ACTR3C: variants seen among roughly 807,000 people sequenced by gnomAD.
The protein encoded by ACTR3C is actin related protein 3C, also known as actin-related protein 3C.
ACTR3C carries 18 observed loss-of-function variants against 26.3 expected under a neutral mutation model. That is an observed-to-expected ratio of 0.68 (90% CI 0.47 to 1.01). ACTR3C has a LOEUF of 1.01. Among genes scored for constraint, ACTR3C ranks in the 50% least tolerant of loss-of-function variants. The pLI, the probability that ACTR3C is intolerant of heterozygous loss-of-function variation, is 0.00. For missense variants in ACTR3C, 184 were observed against 250.7 expected (o/e 0.73, Z 1.80); for synonymous variants, 55 against 94.5 (o/e 0.58, Z 2.42).
At chr7:149,918,946 G>A in the ACTR3C span, among the ~76,000 whole-genome samples, 9 of 152,250 alleles carry the variant, frequency 5.9e-5, no homozygotes, top group African/African-American at 1.9e-4. Flanking sequence ...GAGCAAGTGC[G>A]GACAGCCCAA....
At chr7:149,992,705 A>G in the ACTR3C span, among the ~76,000 whole-genome samples, 1 of 152,182 alleles carries the variant, frequency 6.6e-6, no homozygotes, top group Non-Finnish European at 1.5e-5. Context: ...AGGGTGGGCA[A>G]CCGTATTGGT....
the ACTR3C span, among the ~76,000 whole-genome samples, chr7:149,921,860 G>A: frequency 6.6e-6 from 1 of 151,950 alleles, no homozygotes; most frequent in African/African-American, 2.4e-5. Flanking sequence ...CTGGGTGTCA[G>A]AGCGAGACTC....
chr7:150,047,393 T>TC, the ACTR3C span, among the ~76,000 whole-genome samples: 9 of 151,712 alleles, frequency 5.9e-5, no homozygotes, highest in African/African-American at 2.2e-4. Flanking sequence ...AGCCACCAAC[T>TC]CCCGGCCGCC....
At chr7:149,955,063 G>A in the ACTR3C span, among the ~76,000 whole-genome samples, 1 of 152,196 alleles carries the variant, frequency 6.6e-6, no homozygotes, top group Non-Finnish European at 1.5e-5. Flanking sequence ...CTTCCTTCCT[G>A]ACTGTACTGA....
At chr7:150,013,911 C>T in the ACTR3C span, among the ~76,000 whole-genome samples, 1 of 152,152 alleles carries the variant, frequency 6.6e-6, no homozygotes, top group Non-Finnish European at 1.5e-5. Context: ...TGTCTATAGG[C>T]CTCTTTCATT....
the ACTR3C span, among the ~76,000 whole-genome samples, chr7:150,157,992 G>A: frequency 7.2e-5 from 11 of 152,172 alleles, no homozygotes; most frequent in Admixed American, 5.2e-4. Context: ...CAACTCAATA[G>A]TAAAGAATCA....
chr7:149,948,565 C>T, the ACTR3C span, among the ~76,000 whole-genome samples: 1 of 151,380 alleles, frequency 6.6e-6, no homozygotes, highest in Non-Finnish European at 1.5e-5. Flanking sequence ...GGCCCGCTGG[C>T]TGGAACGTTG....
At chr7:150,173,033 T>C in the ACTR3C span, among the ~76,000 whole-genome samples, 1 of 149,478 alleles carries the variant, frequency 6.7e-6, no homozygotes, top group African/African-American at 2.6e-5. Context: ...TGTCTGCAGC[T>C]TTTCCAGGTG....
At chr7:149,901,562 A>C in the ACTR3C span, among the ~76,000 whole-genome samples, 2 of 151,784 alleles carry the variant, frequency 1.3e-5, no homozygotes, top group Non-Finnish European at 2.9e-5. Context: ...AAATGACTTA[A>C]ACTAGAAAAT....
the ACTR3C span, among the ~76,000 whole-genome samples, chr7:150,134,026 C>A: frequency 1.3e-5 from 2 of 152,104 alleles, no homozygotes; most frequent in South Asian, 4.1e-4. Context: ...GCATGAGCCA[C>A]CACCAAGCCT....
the ACTR3C span, among the ~76,000 whole-genome samples, chr7:150,125,127 T>C: frequency 6.6e-6 from 1 of 152,210 alleles, no homozygotes; most frequent in Non-Finnish European, 1.5e-5. Flanking sequence ...GACTTCCAGT[T>C]CATGTTTTAC....
the ACTR3C span, among the ~76,000 whole-genome samples, chr7:149,957,349 T>C: frequency 6.6e-6 from 1 of 152,156 alleles, no homozygotes; most frequent in East Asian, 1.9e-4. Flanking sequence ...GATTAAGGGA[T>C]TCCCAGATAG....
the ACTR3C span, among the ~76,000 whole-genome samples, chr7:150,038,931 G>T: frequency 2.9e-5 from 3 of 102,874 alleles, no homozygotes; most frequent in African/African-American, 1.0e-4. Flanking sequence ...GGGTGGAAGA[G>T]GGGATAGCTC....
the ACTR3C span, among the ~76,000 whole-genome samples, chr7:149,993,860 T>A: frequency 5.9e-5 from 9 of 152,342 alleles, no homozygotes; most frequent in African/African-American, 1.9e-4. Context: ...GGACACCCTG[T>A]TCACTGCTCT....
the ACTR3C span, among the ~76,000 whole-genome samples, chr7:150,090,593 C>T: frequency 6.6e-6 from 1 of 151,150 alleles, no homozygotes; most frequent in Non-Finnish European, 1.5e-5. Context: ...TACTTACAAA[C>T]CTTCAAAGGA....
the ACTR3C span, among the ~76,000 whole-genome samples, chr7:150,124,699 C>T: frequency 6.6e-6 from 1 of 152,246 alleles, no homozygotes; most frequent in South Asian, 2.1e-4. Context: ...GCAGTTCACC[C>T]TCCCCTTCAC....
the ACTR3C span, among the ~76,000 whole-genome samples, chr7:149,913,626 G>C: frequency 4.0e-5 from 6 of 151,624 alleles, no homozygotes; most frequent in Admixed American, 3.9e-4. Context: ...TTCACTAAAT[G>C]GGAATCTCCA....
At chr7:150,238,177 C>T in the ACTR3C span, among the ~76,000 whole-genome samples, 2 of 143,984 alleles carry the variant, frequency 1.4e-5, no homozygotes, top group Non-Finnish European at 3.0e-5. Flanking sequence ...CTAGAAGGGG[C>T]CTCAGATGAG....
At chr7:150,037,024 C>T in the ACTR3C span, among the ~76,000 whole-genome samples, 1 of 101,868 alleles carries the variant, frequency 9.8e-6, no homozygotes, top group African/African-American at 3.5e-5. Flanking sequence ...TACCAACAGC[C>T]AGGGGCGGAA....
Sources: allele counts gnomAD v4.1 joint callset (sites outside exome capture counted in the v4.1 genomes callset), GRCh38; gene constraint gnomAD v4.1.1; transcripts MANE v1.5; gene names NCBI Gene and HGNC (gene_info 2026-07-23, HGNC 2026-07-21).